The following EXOC7 variants were observed in gnomAD, a reference collection of about 807,000 sequenced individuals.
The protein encoded by EXOC7 is exocyst complex component Exo70.
In EXOC7, 51 loss-of-function variants were observed where a neutral mutation model predicts 87.6. The observed-to-expected ratio is 0.58, with a 90% confidence interval of 0.46 to 0.73. EXOC7 has a LOEUF of 0.73. EXOC7 is among the 30% of genes least tolerant of loss of function. The probability of loss-of-function intolerance (pLI) is 0.00; values close to 1 mark genes in which losing one functional copy is unlikely to be tolerated. For missense variants in EXOC7, 744 were observed against 888.4 expected, an observed-to-expected ratio of 0.84 and a Z score of 2.07; for synonymous variants, 327 against 357.1, an observed-to-expected ratio of 0.92 and a Z score of 0.95.
chr17:76,086,287 C>T lies in EXOC7; in HGVS notation c.1430-142G>A, dbSNP rs977528279. On this transcript the variant is annotated intron_variant, in intron 12 of 18. Coordinates refer to ENST00000589210, the MANE Select transcript of EXOC7 (RefSeq NM_001013839.4). The stretch of plus-strand genomic sequence containing the variant: ...GCAGAGCTGGCTGCCTGCTAAGCCA[C>T]AGGGTGGCCCCTGCCGCAGGAAGCA... 4 of 824,094 alleles carry T rather than the reference C, an allele frequency of 4.9e-6. No homozygotes were observed. The Admixed American group carries it at 6.2e-5, about 13-fold the overall frequency. 51.0% of individuals were successfully genotyped at this position (824,094 alleles called of 1,614,324 possible). A position where few individuals can be genotyped will look rare whatever the true frequency, so the allele number is the denominator to read the frequency against.
intron 7 of EXOC7, 149 bp from the exon 8 acceptor site, chr17:76,089,469 G>A: frequency 3.0e-6 from 3 of 990,370 alleles, no homozygotes; most frequent in Non-Finnish European, 4.4e-6. Context: ...AGCTGCAAGG[G>A]AGCCAGCAGG....
At position 76,081,512 on chromosome 17, in the gene EXOC7, C is replaced by T. The variant is rs143922990; in HGVS notation, c.*2136G>A. ...CCCCCGATGCCCACCTCCTTCCCCC[C>T]CGCCGGGAAGGCCCTGACTTTTCCC... On this transcript the variant is annotated 3_prime_UTR_variant, in exon 19 of 19. Coordinates refer to ENST00000589210, the MANE Select transcript of EXOC7 (RefSeq NM_001013839.4). 4 of 1,611,166 alleles carry T rather than the reference C, an allele frequency of 2.5e-6. No individual in the cohort carries two copies. Among genetic ancestry groups the T allele is most frequent in the Non-Finnish European group, 3.4e-6 (4 of 1,179,046 alleles).
In EXOC7 at chr17:76,081,913, C is replaced by T; in HGVS notation, c.*1735G>A. 1.9e-6 allele frequency: 3 copies of T among 1,611,378 alleles called. No individual in the cohort carries two copies. Among genetic ancestry groups the T allele is most frequent in the South Asian group, 2.2e-5 (2 of 90,982 alleles). ...ACTTCACCATCCTGCTGCTGCTGCTCTTCCTCAGCACCATAGAGACTGTGC... is the reference window on the plus strand; with the variant it reads ...ACTTCACCATCCTGCTGCTGCTGCTTTTCCTCAGCACCATAGAGACTGTGC... On this transcript the variant is annotated 3_prime_UTR_variant, in exon 19 of 19. Coordinates refer to ENST00000589210, the MANE Select transcript of EXOC7 (RefSeq NM_001013839.4).
chr17:76,081,224 T>C lies in EXOC7; in HGVS notation c.*2424A>G. 2 of 1,605,786 alleles carry C rather than the reference T, an allele frequency of 1.2e-6. No homozygotes were observed. Among genetic ancestry groups the C allele is most frequent in the Non-Finnish European group, 1.7e-6 (2 of 1,176,158 alleles). On this transcript the variant is annotated 3_prime_UTR_variant, in exon 19 of 19. Transcript: ENST00000589210. ...GGGCTCCAGTCTGCTACCCCCAGAC[T>C]TGGCAGCTGGGATCTCTCCTTCCTG...
At position 76,089,080 on chromosome 17, in the gene EXOC7, G is replaced by A. The variant is rs1391028048; in HGVS notation, c.1047+95C>T. On this transcript the variant is annotated intron_variant, in intron 8 of 18. Coordinates refer to ENST00000589210, the MANE Select transcript of EXOC7 (RefSeq NM_001013839.4). ...CACCCAGGACCGGTCCCCAGGGCAC[G>A]AGGTGGTGGTGGTGGGTGGAGTTGA... The A allele has an allele frequency of 1.3e-5, 21 of 1,567,024 alleles. 1 individual carries two copies. The highest frequency in any genetic ancestry group is 5.4e-5 in the African/African-American group (4 of 74,142).
chr17:76,091,266 A>C, intron 6 of EXOC7, 31 bp from the exon 7 acceptor site: 1 of 1,595,156 alleles, frequency 6.3e-7, no homozygotes, highest in Non-Finnish European at 8.6e-7. Context: ...AGAGGAGATA[A>C]GAAGACCTAG....
chr17:76,089,002 AT>A, intron 8 of EXOC7, 79 bp from the exon 9 acceptor site: 1 of 1,487,676 alleles, frequency 6.7e-7, no homozygotes, highest in East Asian at 2.3e-5. Flanking sequence ...TCCTTGCAGT[AT>A]GTAGGGGGGC....
chr17:76,081,295 C>T lies in EXOC7; in HGVS notation c.*2353G>A. ...CCCCTCAGCGATGGAGTTAGAGTTC[C>T]AGGCCCACGTGGTGAACGAGATTGT... On this transcript the variant is annotated 3_prime_UTR_variant, in exon 19 of 19. Coordinates refer to ENST00000589210, the MANE Select transcript of EXOC7 (RefSeq NM_001013839.4). The T allele has an allele frequency of 6.2e-7, 1 of 1,613,960 alleles. No individual in the cohort carries two copies. The highest frequency in any genetic ancestry group is 8.5e-7 in the Non-Finnish European group (1 of 1,180,016).
intron 11 of EXOC7, 150 bp from the exon 12 acceptor site, chr17:76,087,870 G>A (rs1371782366): frequency 3.2e-6 from 3 of 936,814 alleles, no homozygotes; most frequent in East Asian, 2.6e-5. Flanking sequence ...ACTCTAGCCT[G>A]CCAGGAAAGG....
intron 12 of EXOC7, chr17:76,087,004 C>A: frequency 1.1e-6 from 1 of 884,580 alleles, no homozygotes. Flanking sequence ...CCGAATTAAG[C>A]AGACCTCTCC....
Position 76,089,159 on chromosome 17 carries a change from C to G in EXOC7, c.1047+16G>C. ...TTGCTGGGGCTGGCTGCAGAGCCCC[C>G]GGGGCGGGGCGGGACCTGTATCAGG... On this transcript the variant is annotated intron_variant, in intron 8 of 18. Transcript: ENST00000589210. The G allele has an allele frequency of 1.2e-6, 2 of 1,611,538 alleles. No individual in the cohort carries two copies. The highest frequency in any genetic ancestry group is 8.5e-7 in the Non-Finnish European group (1 of 1,179,676).
chr17:76,085,489 C>G (rs1355605410), intron 14 of EXOC7, 80 bp from the exon 15 acceptor site: 6 of 1,509,084 alleles, frequency 4.0e-6, no homozygotes, highest in Non-Finnish European at 5.4e-6. Flanking sequence ...GCCGGGAGGG[C>G]CTCCCATTGC....
intron 6 of EXOC7, 136 bp from the exon 7 acceptor site, chr17:76,091,371 C>T (rs1463610124): frequency 1.5e-6 from 1 of 660,844 alleles, no homozygotes; most frequent in Non-Finnish European, 2.7e-6. Context: ...CCTGAGACCA[C>T]CAGAGACGCT....
At chr17:76,098,422 C>T (rs2067887085) in intron 4 of EXOC7, among the ~76,000 whole-genome samples, 1 of 152,010 alleles carries the variant, frequency 6.6e-6, no homozygotes, top group Non-Finnish European at 1.5e-5. Flanking sequence ...AGGCATGAGC[C>T]ACTGCACCTG....
chr17:76,083,598 T>G lies in EXOC7; in HGVS notation c.*50A>C, dbSNP rs1300627184. On this transcript the variant is annotated 3_prime_UTR_variant, in exon 19 of 19. Transcript: ENST00000589210. ...AGAGGCAAGCTAACACTGGTTTATC[T>G]GTCCAATGACACGCCAGTCTGGTGG... 3.8e-6 allele frequency: 6 copies of G among 1,576,572 alleles called. No individual in the cohort carries two copies. In the East Asian group the frequency reaches 1.1e-4, roughly 29 times the overall value.
At chr17:76,087,352 G>C in intron 12 of EXOC7, 1 of 468,572 alleles carries the variant, frequency 2.1e-6, no homozygotes. Context: ...GGATTTGGGA[G>C]GGGGGCAGGG....
intron 14 of EXOC7, 81 bp from the exon 15 acceptor site, chr17:76,085,490 C>T: frequency 6.6e-7 from 1 of 1,511,978 alleles, no homozygotes; most frequent in Non-Finnish European, 9.0e-7. Context: ...CCGGGAGGGC[C>T]TCCCATTGCA....
In EXOC7 at chr17:76,097,934, C is replaced by G; in HGVS notation, c.502G>C (p.Val168Leu). 10 of 1,614,024 alleles carry G rather than the reference C, an allele frequency of 6.2e-6. No individual in the cohort carries two copies. The highest frequency in any genetic ancestry group is 5.0e-5 in the Admixed American group (3 of 60,000). ...MTRHSKVVSP[V>L]LILDLISGDD... ...CCACTGATCAGATCCAAGATGAGCA[C>G]GGGCGAGACGACCTTACTGTGCCGC... Residue 168 changes from valine to leucine, a missense_variant, in exon 5 of 19, where the codon GTG (valine) becomes CTG (leucine). This residue lies in a region of EXOC7 where 512 missense variants were observed against 573.0 expected (regional missense o/e 0.89). Transcript: ENST00000589210.
intron 6 of EXOC7, 75 bp downstream of exon 6, chr17:76,094,339 G>T: frequency 6.7e-7 from 1 of 1,489,332 alleles, no homozygotes; most frequent in Non-Finnish European, 9.0e-7. Context: ...CGCTGCGAAC[G>T]CTAGATTGGA....
Sources: allele counts gnomAD v4.1 joint callset (sites outside exome capture counted in the v4.1 genomes callset), GRCh38; gene constraint gnomAD v4.1.1; regional missense constraint gnomAD v4.1.1; transcripts MANE v1.5; gene names NCBI Gene and HGNC (gene_info 2026-07-23, HGNC 2026-07-21).